The following ZNF652 variants were observed in gnomAD, a reference collection of about 807,000 sequenced individuals.
ZNF652 encodes the protein zinc finger protein 652.
A neutral mutation model predicts 45.2 loss-of-function variants in ZNF652; 16 were observed. The observed-to-expected ratio is 0.35, with a 90% CI of 0.24 to 0.54. ZNF652 has a LOEUF of 0.54. Ranked by LOEUF, ZNF652 falls within the 20% of genes least tolerant of loss-of-function variation. The probability of loss-of-function intolerance (pLI) is 0.91; values close to 1 mark genes in which losing one functional copy is unlikely to be tolerated. For synonymous variants in ZNF652, 250 were observed against 260.6 expected (o/e 0.96, Z 0.39); for missense variants, 614 against 765.6 (o/e 0.80, Z 2.34).
intron 5 of ZNF652, among the ~76,000 whole-genome samples, chr17:49,307,561 G>A (rs2069648837): frequency 7.2e-6 from 1 of 138,396 alleles, no homozygotes. Context: ...CCAACACAGT[G>A]AAACCCCCAT....
At position 49,362,166 on chromosome 17, in the gene ZNF652, G is replaced by A. The variant is rs2070406572; in HGVS notation, c.-516C>T. 6.7e-6 allele frequency: 1 copy of A among 149,988 alleles called. No homozygotes were observed. The allele number at this position is 149,988 out of a possible 1,614,324, so 9.3% of individuals were successfully genotyped here. ...CGCGCGAGGGCGAGCGGGGCCGGCG[G>A]GGCGGGCAGCGCGGGGCGGGCGGCA... On this transcript the variant is annotated 5_prime_UTR_variant, in exon 1 of 6. Coordinates refer to ENST00000430262, the MANE Select transcript of ZNF652 (RefSeq NM_001145365.3).
At chr17:49,338,729 A>C (rs779672343) in intron 1 of ZNF652, among the ~76,000 whole-genome samples, 11 of 152,202 alleles carry the variant, frequency 7.2e-5, no homozygotes, top group Non-Finnish European at 1.5e-4. Flanking sequence ...AGATATCAGC[A>C]AACAGAAAGA....
chr17:49,302,371 C>T (rs2069565782), intron 5 of ZNF652, among the ~76,000 whole-genome samples: 1 of 150,632 alleles, frequency 6.6e-6, no homozygotes, highest in Non-Finnish European at 1.5e-5. Flanking sequence ...TCACTGCAAC[C>T]TCTGCCTCCT....
rs1333700665 is a variant in ZNF652 at position 49,289,792 on chromosome 17, C to T, written c.*8621G>A. On this transcript the variant is annotated 3_prime_UTR_variant, in exon 6 of 6. Transcript: ENST00000430262. Reference sequence around the variant, plus strand: ...TCCGCAGAGAGGTAGGAGAGGGACACTGCCCCATTCTGGACTTGACATAAG... The same window carrying T: ...TCCGCAGAGAGGTAGGAGAGGGACATTGCCCCATTCTGGACTTGACATAAG... 6.6e-6 allele frequency: 1 copy of T among 152,342 alleles called. No homozygotes were observed. Among genetic ancestry groups the T allele is most frequent in the East Asian group, 1.9e-4 (1 of 5,204 alleles). The allele number at this position is 152,342 out of a possible 1,614,324, so 9.4% of individuals were successfully genotyped here. A position where few individuals can be genotyped will look rare whatever the true frequency, so the allele number is the denominator to read the frequency against.
chr17:49,323,316 G>A (rs8080039), intron 1 of ZNF652, among the ~76,000 whole-genome samples: 113,775 of 152,190 alleles, frequency 0.75, 42,584 homozygotes, highest in Middle Eastern at 0.78. Context: ...GTTTTATCAA[G>A]AGATGGCAGC....
At chr17:49,339,445 AAG>A (rs894576419) in intron 1 of ZNF652, among the ~76,000 whole-genome samples, 1 of 152,008 alleles carries the variant, frequency 6.6e-6, no homozygotes, top group African/African-American at 2.4e-5. Flanking sequence ...TTGTAAAATG[AAG>A]AGGTTTTTTT....
chr17:49,344,191 A>G (rs1237541469), intron 1 of ZNF652, among the ~76,000 whole-genome samples: 5 of 130,012 alleles, frequency 3.8e-5, no homozygotes, highest in African/African-American at 1.4e-4. Flanking sequence ...ACAGAGCGAG[A>G]CTCCGTTTCA....
At chr17:49,350,111 A>G (rs931457736) in intron 1 of ZNF652, among the ~76,000 whole-genome samples, 3 of 152,208 alleles carry the variant, frequency 2.0e-5, no homozygotes, top group African/African-American at 7.2e-5. Flanking sequence ...TAATATACCA[A>G]TGTCAGTTCC....
At chr17:49,318,213 G>C (rs1306006026) in intron 1 of ZNF652, among the ~76,000 whole-genome samples, 1 of 152,112 alleles carries the variant, frequency 6.6e-6, no homozygotes, top group East Asian at 1.9e-4. Context: ...GAGTAGCTGG[G>C]ATTACAGGCG....
downstream of ZNF652, among the ~76,000 whole-genome samples, chr17:49,288,653 T>C (rs1036527633): frequency 6.6e-6 from 1 of 152,242 alleles, no homozygotes; most frequent in African/African-American, 2.4e-5. Context: ...GAGCCTGTCT[T>C]TCTCATTGCT....
At chr17:49,306,386 T>A (rs1387915935) in intron 5 of ZNF652, among the ~76,000 whole-genome samples, 1 of 152,226 alleles carries the variant, frequency 6.6e-6, no homozygotes, top group African/African-American at 2.4e-5. Flanking sequence ...TTCTCACCTA[T>A]CAAATCAGCA....
At chr17:49,336,288 G>C (rs1032864716) in intron 1 of ZNF652, among the ~76,000 whole-genome samples, 1 of 150,350 alleles carries the variant, frequency 6.7e-6, no homozygotes, top group African/African-American at 2.4e-5. Flanking sequence ...CTCCCAGAGT[G>C]CTGGGATTAC....
At chr17:49,288,552 G>A (rs935247539), downstream of ZNF652, 5 of 152,126 alleles carry the variant, frequency 3.3e-5, no homozygotes, top group African/African-American at 1.2e-4. Context: ...AAGCTTCACA[G>A]TATAAGGGCC....
rs145808357 is a variant in ZNF652, at chr17:49,302,747, A to T, written c.1310-3823T>A. ...GAGGCTGAGGCACGCGGATCATTTG[A>T]GGTCAGGAGTTCGAGACAGGCTTGG... On this transcript the variant is annotated intron_variant, in intron 5 of 5. Coordinates refer to ENST00000430262, the MANE Select transcript of ZNF652 (RefSeq NM_001145365.3). 3.4e-3 allele frequency among the ~76,000 whole-genome samples: 514 copies of T among 150,766 alleles called. 4 individuals carry two copies. The highest frequency in any genetic ancestry group is 0.012 in the African/African-American group (477 of 41,052).
At chr17:49,349,613 C>A (rs1421660875) in intron 1 of ZNF652, among the ~76,000 whole-genome samples, 1 of 152,184 alleles carries the variant, frequency 6.6e-6, no homozygotes, top group African/African-American at 2.4e-5. Context: ...ATGAAACCAT[C>A]CTGCAGAGAA....
chr17:49,309,763 T>A (rs2069683943), intron 5 of ZNF652, among the ~76,000 whole-genome samples: 1 of 152,178 alleles, frequency 6.6e-6, no homozygotes, highest in Non-Finnish European at 1.5e-5. Flanking sequence ...ACTGCTCTCA[T>A]GACTCTTCAT....
chr17:49,298,303 T>C lies in ZNF652; in HGVS notation c.*110A>G. The C allele has an allele frequency of 1.4e-6, 2 of 1,380,046 alleles. No individual in the cohort carries two copies. Among genetic ancestry groups the C allele is most frequent in the African/African-American group, 1.4e-5 (1 of 69,546 alleles). The allele number at this position is 1,380,046 out of a possible 1,614,324, so 85.5% of individuals were successfully genotyped here. A position where few individuals can be genotyped will look rare whatever the true frequency, so the allele number is the denominator to read the frequency against. Reference sequence around the variant, plus strand: ...GATTCAGTGACACTGGCGAAGCTCTTGGTAGAGGCGGAGGAGAGTCTGAGA... The same window carrying C: ...GATTCAGTGACACTGGCGAAGCTCTCGGTAGAGGCGGAGGAGAGTCTGAGA... On this transcript the variant is annotated 3_prime_UTR_variant, in exon 6 of 6. Coordinates refer to ENST00000430262, the MANE Select transcript of ZNF652 (RefSeq NM_001145365.3).
chr17:49,301,051 A>T (rs145662416), intron 5 of ZNF652, among the ~76,000 whole-genome samples: 1 of 152,276 alleles, frequency 6.6e-6, no homozygotes, highest in South Asian at 2.1e-4. Context: ...TTACTTTCTC[A>T]TCTACTTTGG....
At chr17:49,315,167 G>A (rs2069783953) in intron 2 of ZNF652, among the ~76,000 whole-genome samples, 1 of 151,368 alleles carries the variant, frequency 6.6e-6, no homozygotes, top group Admixed American at 6.6e-5. Flanking sequence ...TCAGCCTCCT[G>A]AGTAGCTGGG....
Sources: allele counts gnomAD v4.1 joint callset (sites outside exome capture counted in the v4.1 genomes callset), GRCh38; gene constraint gnomAD v4.1.1; transcripts MANE v1.5; gene names NCBI Gene and HGNC (gene_info 2026-07-23, HGNC 2026-07-21).